The following PCDH15 variants were observed in gnomAD, a reference collection of about 807,000 sequenced individuals.
PCDH15 encodes protocadherin-15.
In PCDH15, 129 loss-of-function variants were observed where a neutral mutation model predicts 178.5. That is an observed-to-expected ratio of 0.72 (90% CI 0.63 to 0.84). The LOEUF (loss-of-function observed/expected upper bound fraction) is 0.84, where lower values mean the gene tolerates loss of function less well. Among genes scored for constraint, PCDH15 ranks in the 40% least tolerant of loss-of-function variants. PCDH15 has a pLI of 0.00. For synonymous variants in PCDH15, 800 were observed against 732.0 expected, an observed-to-expected ratio of 1.09 and a Z score of -1.50; for missense variants, 2,230 against 2,099.9, an observed-to-expected ratio of 1.06 and a Z score of -1.21.
intron 1 of PCDH15, among the ~76,000 whole-genome samples, chr10:55,222,797 G>C (rs1421991352): frequency 7.3e-6 from 1 of 136,680 alleles, no homozygotes; most frequent in East Asian, 2.2e-4. Flanking sequence ...ATTTGTTTTG[G>C]GATATTGTTT....
At chr10:54,781,184 ACTTT>A (rs1950324945) in intron 1 of PCDH15, among the ~76,000 whole-genome samples, 1 of 152,038 alleles carries the variant, frequency 6.6e-6, no homozygotes, top group Non-Finnish European at 1.5e-5. Flanking sequence ...TTTTTATTAT[ACTTT>A]AAGTTCTGGG....
intron 2 of PCDH15, among the ~76,000 whole-genome samples, chr10:54,918,425 C>T (rs939024569): frequency 1.8e-4 from 27 of 152,032 alleles, no homozygotes; most frequent in South Asian, 2.1e-4. Flanking sequence ...AATACTGTTC[C>T]GTGGAATTAT....
intron 2 of PCDH15, among the ~76,000 whole-genome samples, chr10:55,511,828 A>C (rs955483538): frequency 2.6e-5 from 4 of 152,048 alleles, no homozygotes; most frequent in African/African-American, 9.7e-5. Context: ...GACTGACTAT[A>C]AAATATTAAT....
chr10:55,254,579 A>T (rs1841937561), intron 1 of PCDH15, among the ~76,000 whole-genome samples: 1 of 152,206 alleles, frequency 6.6e-6, no homozygotes, highest in African/African-American at 2.4e-5. Flanking sequence ...GACAGGACAT[A>T]GAAAAAAATA....
chr10:55,360,470 G>GA, intron 2 of PCDH15, among the ~76,000 whole-genome samples: 1 of 151,750 alleles, frequency 6.6e-6, no homozygotes. Context: ...AGAATGGGAG[G>GA]AAAAAAATTG....
chr10:55,613,835 A>T (rs2132162640), intron 2 of PCDH15, among the ~76,000 whole-genome samples: 1 of 152,294 alleles, frequency 6.6e-6, no homozygotes, highest in Non-Finnish European at 1.5e-5. Context: ...TTAAAACTAA[A>T]AGAAAAGTAA....
chr10:55,139,480 T>C (rs776091534), intron 2 of PCDH15, among the ~76,000 whole-genome samples: 1 of 152,078 alleles, frequency 6.6e-6, no homozygotes, highest in Non-Finnish European at 1.5e-5. Context: ...AGACCTAGTT[T>C]GAGGTTCATT....
chr10:54,800,490 C>G (rs1004198882), intron 1 of PCDH15, among the ~76,000 whole-genome samples: 6 of 152,250 alleles, frequency 3.9e-5, no homozygotes, highest in Admixed American at 3.9e-4. Context: ...CAACTATAAC[C>G]TCCAGCAACA....
At chr10:54,651,797 C>T (rs2094267722) in intron 2 of PCDH15, among the ~76,000 whole-genome samples, 1 of 152,084 alleles carries the variant, frequency 6.6e-6, no homozygotes, top group South Asian at 2.1e-4. Context: ...TTTCACTGCC[C>T]AGAGATAGTT....
At chr10:54,518,046 G>T (rs573611067) in intron 3 of PCDH15, among the ~76,000 whole-genome samples, 44 of 152,130 alleles carry the variant, frequency 2.9e-4, no homozygotes, top group Non-Finnish European at 4.9e-4. Context: ...AGAATCTCTG[G>T]GACACATTCA....
At chr10:54,052,590 C>T (rs1317257177) in intron 18 of PCDH15, among the ~76,000 whole-genome samples, 3 of 152,082 alleles carry the variant, frequency 2.0e-5, no homozygotes, top group Non-Finnish European at 4.4e-5. Flanking sequence ...ATTCTACAGG[C>T]TATTAGGTGG....
rs1200319794 is a variant in PCDH15 at position 54,317,213 on chromosome 10, T to C, written c.876+58A>G. On this transcript the variant is annotated intron_variant, in intron 8 of 37. Transcript: ENST00000644397. ...TATATGTCTACAAAATACTTGAACA[T>C]GATCCCATTGGGTTTTAAAACATGC... is the stretch of plus-strand genomic sequence containing the variant. The C allele has an allele frequency of 1.3e-6, 2 of 1,543,872 alleles. 1 individual carries two copies. The highest frequency in any genetic ancestry group is 1.8e-6 in the Non-Finnish European group (2 of 1,117,068).
intron 1 of PCDH15, among the ~76,000 whole-genome samples, chr10:54,759,585 C>T (rs548127737): frequency 3.9e-5 from 6 of 152,200 alleles, no homozygotes; most frequent in Admixed American, 3.3e-4. Context: ...ATATCAAGGC[C>T]ATGCCTGGGA....
At chr10:54,814,106 C>T (rs55970353) in intron 3 of PCDH15, among the ~76,000 whole-genome samples, 12,952 of 152,158 alleles carry the variant, frequency 0.085, 623 homozygotes, top group South Asian at 0.14. Flanking sequence ...ATATCATAAG[C>T]TCCTGACAAA....
At chr10:54,492,724 A>G (rs2079716074) in intron 3 of PCDH15, among the ~76,000 whole-genome samples, 1 of 152,160 alleles carries the variant, frequency 6.6e-6, no homozygotes, top group Non-Finnish European at 1.5e-5. Flanking sequence ...ACATTCACAT[A>G]ACTTTTATTA....
At chr10:55,469,984 T>C (rs1318428478) in intron 2 of PCDH15, among the ~76,000 whole-genome samples, 1 of 152,158 alleles carries the variant, frequency 6.6e-6, no homozygotes, top group Admixed American at 6.6e-5. Context: ...AATATTGTAA[T>C]TGCTTTTTTA....
intron 13 of PCDH15, among the ~76,000 whole-genome samples, chr10:54,168,570 G>T (rs1307516366): frequency 6.6e-6 from 1 of 152,098 alleles, no homozygotes; most frequent in Non-Finnish European, 1.5e-5. Context: ...TCCCCCACCT[G>T]CCCAGCAATT....
intron 3 of PCDH15, among the ~76,000 whole-genome samples, chr10:54,405,116 C>G (rs1468123088): frequency 6.6e-6 from 1 of 151,780 alleles, no homozygotes; most frequent in African/African-American, 2.4e-5. Flanking sequence ...GACCTGAGAA[C>G]AGAAATACCA....
In PCDH15 at chr10:55,522,968, T is replaced by A. The variant is rs1031611963; in HGVS notation, c.-156+104657A>T. Among the ~76,000 whole-genome samples the A allele has an allele frequency of 2.0e-5, 3 of 151,700 alleles. No individual in the cohort carries two copies. In the East Asian group the frequency reaches 5.8e-4, roughly 29 times the overall value. On this transcript the variant is annotated intron_variant, in intron 2 of 5. Transcript: ENST00000613346. The stretch of plus-strand genomic sequence containing the variant: ...GATTCCATTCTAATTATCTTTTGTG[T>A]ATCTACTTGAGAATTTTTATTTGTG...
Sources: allele counts gnomAD v4.1 joint callset (sites outside exome capture counted in the v4.1 genomes callset), GRCh38; gene constraint gnomAD v4.1.1; transcripts MANE v1.5; gene names NCBI Gene and HGNC (gene_info 2026-07-23, HGNC 2026-07-21).